ANKRD31: variants seen among roughly 807,000 people sequenced by gnomAD.
ANKRD31 encodes the protein ankyrin repeat domain-containing protein 31.
ANKRD31 carries 147 observed loss-of-function variants against 186.0 expected under a neutral mutation model. The observed-to-expected ratio is 0.79, with a 90% confidence interval of 0.69 to 0.91. ANKRD31 has a LOEUF of 0.91. Among genes scored for constraint, ANKRD31 ranks in the 40% least tolerant of loss-of-function variants. The probability of loss-of-function intolerance (pLI) is 0.00; values close to 1 mark genes in which losing one functional copy is unlikely to be tolerated. For missense variants in ANKRD31, 1,986 were observed against 2,148.8 expected, an observed-to-expected ratio of 0.92 and a Z score of 1.50; for synonymous variants, 673 against 736.4, an observed-to-expected ratio of 0.91 and a Z score of 1.39.
chr5:75,222,566 G>A (rs1400637233), intron 2 of ANKRD31, among the ~76,000 whole-genome samples: 1 of 151,752 alleles, frequency 6.6e-6, no homozygotes, highest in Non-Finnish European at 1.5e-5. Flanking sequence ...GTGGTTTGCT[G>A]CACCTATTGA....
At chr5:75,075,221 A>G (rs1178978655) in intron 25 of ANKRD31, among the ~76,000 whole-genome samples, 1 of 152,194 alleles carries the variant, frequency 6.6e-6, no homozygotes, top group Non-Finnish European at 1.5e-5. Flanking sequence ...TTCTGGTTTC[A>G]AGGATTCTAT....
intron 6 of ANKRD31, 53 bp downstream of exon 6, chr5:75,199,578 T>A (rs1010752688): frequency 4.2e-5 from 58 of 1,391,438 alleles, no homozygotes; most frequent in East Asian, 1.4e-4. Flanking sequence ...CATAATTTTT[T>A]AAAAAATCTA....
intron 23 of ANKRD31, among the ~76,000 whole-genome samples, chr5:75,085,610 C>T (rs1745426175): frequency 6.6e-6 from 1 of 152,088 alleles, no homozygotes; most frequent in South Asian, 2.1e-4. Flanking sequence ...CCATGTTGGC[C>T]AGGGTGGTCT....
At chr5:75,224,863 G>C (rs1410385336) in intron 2 of ANKRD31, among the ~76,000 whole-genome samples, 1 of 151,898 alleles carries the variant, frequency 6.6e-6, no homozygotes, top group Non-Finnish European at 1.5e-5. Context: ...CCAGAAAACT[G>C]GGTAAAACTA....
intron 10 of ANKRD31, among the ~76,000 whole-genome samples, chr5:75,180,577 C>T (rs1209852320): frequency 6.6e-6 from 1 of 152,068 alleles, no homozygotes; most frequent in African/African-American, 2.4e-5. Flanking sequence ...AGAAGTAATG[C>T]CGCATATCTA....
chr5:75,142,681 A>G (rs1751138420), intron 15 of ANKRD31, among the ~76,000 whole-genome samples: 1 of 152,084 alleles, frequency 6.6e-6, no homozygotes. Context: ...TAAAATCCTA[A>G]TTGGAAATCT....
chr5:75,137,720 T>G, intron 17 of ANKRD31, 136 bp downstream of exon 17: 1 of 726,098 alleles, frequency 1.4e-6, no homozygotes, highest in Non-Finnish European at 2.0e-6. Context: ...TGTATCTTCA[T>G]TTGTAATTTG....
At chr5:75,214,171 G>C (rs1756821796) in intron 3 of ANKRD31, among the ~76,000 whole-genome samples, 1 of 152,158 alleles carries the variant, frequency 6.6e-6, no homozygotes, top group South Asian at 2.1e-4. Context: ...TACTGCTTCA[G>C]TATTCTTAAA....
chr5:75,137,764 A>C (rs955688762), intron 17 of ANKRD31, 92 bp downstream of exon 17: 32 of 1,184,764 alleles, frequency 2.7e-5, no homozygotes, highest in Non-Finnish European at 3.4e-5. Flanking sequence ...TGTTTTACTG[A>C]ATCATTTTAG....
chr5:75,213,685 C>T (rs998381967), intron 3 of ANKRD31, among the ~76,000 whole-genome samples: 6 of 152,108 alleles, frequency 3.9e-5, no homozygotes, highest in Non-Finnish European at 5.9e-5. Flanking sequence ...GCCATTAAAC[C>T]GTAGAGTTTT....
In ANKRD31 at chr5:75,125,902, TA is replaced by T. The variant is rs1236198354; in HGVS notation, c.3877-7606del. 3.3e-5 allele frequency among the ~76,000 whole-genome samples: 5 copies of T among 151,634 alleles called. No individual in the cohort carries two copies. The South Asian group carries it at 6.2e-4, about 19-fold the overall frequency. On this transcript the variant is annotated intron_variant, in intron 17 of 25. Transcript: ENST00000506364. ...CCAAGAAATAGGCCTTTTACCTGTT[TA>T]AAAAAAAATCAGGCTTACTGAAGTG...
intron 17 of ANKRD31, among the ~76,000 whole-genome samples, chr5:75,135,854 A>G (rs1251479907): frequency 6.6e-6 from 1 of 152,206 alleles, no homozygotes; most frequent in Admixed American, 6.5e-5. Context: ...GCCCTCAGAA[A>G]TAATACCACA....
rs1745003511 is a variant in ANKRD31 at position 75,080,555 on chromosome 5, C to T, written c.5647+13G>A. 4 of 1,304,066 alleles carry T rather than the reference C, an allele frequency of 3.1e-6. No homozygotes were observed. The highest frequency in any genetic ancestry group is 4.6e-5 in the Admixed American group (2 of 43,470). 80.8% of individuals were successfully genotyped at this position (1,304,066 alleles called of 1,614,324 possible). Reference sequence around the variant, plus strand: ...AAAAGTAAATGGAATTGAATATTTTCTTTTTTTTTTACCTTGTCCAAATTT... The same window carrying T: ...AAAAGTAAATGGAATTGAATATTTTTTTTTTTTTTTACCTTGTCCAAATTT... On this transcript the variant is annotated intron_variant, in intron 25 of 25. Transcript: ENST00000506364.
intron 10 of ANKRD31, among the ~76,000 whole-genome samples, chr5:75,170,883 A>C (rs756926337): frequency 2.6e-4 from 40 of 152,238 alleles, no homozygotes; most frequent in Middle Eastern, 3.4e-3. Context: ...CCAAGCAATA[A>C]AGACAGACAT....
In ANKRD31 at chr5:75,200,044, C is replaced by T. The variant is rs1024231256; in HGVS notation, c.404-370G>A. 7.9e-5 allele frequency among the ~76,000 whole-genome samples: 12 copies of T among 152,086 alleles called. No homozygotes were observed. The South Asian group carries it at 2.3e-3, about 29-fold the overall frequency. On this transcript the variant is annotated intron_variant, in intron 5 of 25. Transcript: ENST00000506364. The stretch of plus-strand genomic sequence containing the variant: ...TCTCTTCTACTACAGGTACTTAGAG[C>T]TTAAATGAACTCATGCTGTCTGGAG...
intron 2 of ANKRD31, among the ~76,000 whole-genome samples, chr5:75,222,888 G>A (rs1046604097): frequency 6.6e-6 from 1 of 152,156 alleles, no homozygotes; most frequent in Admixed American, 6.5e-5. Context: ...ATTGTAAATA[G>A]TGCTGCAGTA....
chr5:75,183,174 A>G (rs1049729176), intron 10 of ANKRD31, among the ~76,000 whole-genome samples: 4 of 152,202 alleles, frequency 2.6e-5, no homozygotes, highest in African/African-American at 9.6e-5. Flanking sequence ...ATCATTTCAA[A>G]AGATGCAGAA....
intron 10 of ANKRD31, among the ~76,000 whole-genome samples, chr5:75,174,933 T>C (rs569626989): frequency 6.6e-6 from 1 of 152,332 alleles, no homozygotes; most frequent in African/African-American, 2.4e-5. Context: ...TGCACATGTA[T>C]GTTTTTTGTG....
At chr5:75,179,454 T>G (rs1173486723) in intron 10 of ANKRD31, among the ~76,000 whole-genome samples, 2 of 152,266 alleles carry the variant, frequency 1.3e-5, no homozygotes, top group East Asian at 3.9e-4. Flanking sequence ...TAGACCAATA[T>G]CCTTGATGAA....
Sources: gnomAD v4.1 joint callset for allele counts (sites outside exome capture counted in the v4.1 genomes callset) on GRCh38, gnomAD v4.1.1 for gene constraint, MANE v1.5 for transcripts, NCBI Gene and HGNC (gene_info 2026-07-23, HGNC 2026-07-21) for gene names.